Variants in TTC17 observed in about 807,000 individuals in gnomAD.
TTC17 encodes the protein tetratricopeptide repeat protein 17.
TTC17 carries 58 observed loss-of-function variants against 143.8 expected under a neutral mutation model. That is an observed-to-expected ratio of 0.40 (90% CI 0.33 to 0.50). The LOEUF is 0.50. Among genes scored for constraint, TTC17 ranks in the 20% least tolerant of loss-of-function variants. TTC17 has a pLI of 0.49. For synonymous variants in TTC17, 501 were observed against 497.8 expected, an observed-to-expected ratio of 1.01 and a Z score of -0.09; for missense variants, 1,273 against 1,392.5, an observed-to-expected ratio of 0.91 and a Z score of 1.37.
Position 43,359,091 on chromosome 11 carries a change from A to T in TTC17, c.137A>T (p.Glu46Val). 2.5e-6 allele frequency: 4 copies of T among 1,588,092 alleles called. No homozygotes were observed. The highest frequency in any genetic ancestry group is 1.1e-5 in the South Asian group (1 of 87,832). Residue 46 changes from glutamate (E) to valine (V), a missense_variant, in exon 1 of 24, where the codon GAG (glutamate) becomes GTG (valine). Glu to Val is a moderately radical substitution (Grantham distance 121). Transcript: ENST00000039989. ...AFATTHWVVT[E>V]DGKIQQQVDS... is the part of the protein sequence containing the mutation. ...GCCACCACGCACTGGGTCGTCACGG[A>T]GGACGGGAAAATCCAGCAGCAGGTA...
intron 16 of TTC17, among the ~76,000 whole-genome samples, chr11:43,431,767 C>T (rs1240597959): frequency 1.3e-5 from 2 of 152,232 alleles, no homozygotes; most frequent in Non-Finnish European, 2.9e-5. Context: ...GTAAGAGGAT[C>T]ACTTGAGCCC....
chr11:43,473,643 G>A (rs1336606255), intron 21 of TTC17, among the ~76,000 whole-genome samples: 1 of 152,144 alleles, frequency 6.6e-6, no homozygotes, highest in Non-Finnish European at 1.5e-5. Context: ...GGGAAGCCAA[G>A]GCAGGTGGAT....
chr11:43,462,030 C>T (rs184223601), intron 21 of TTC17, among the ~76,000 whole-genome samples: 17 of 147,182 alleles, frequency 1.2e-4, no homozygotes, highest in African/African-American at 4.0e-4. Context: ...TAGACCCAAG[C>T]ACATCAGTAG....
chr11:43,427,419 C>T (rs1460835777), intron 16 of TTC17, among the ~76,000 whole-genome samples: 1 of 152,150 alleles, frequency 6.6e-6, no homozygotes. Flanking sequence ...GTAACATCTG[C>T]CTTTTGCAGA....
At chr11:43,380,341 C>T (rs560963029) in intron 2 of TTC17, among the ~76,000 whole-genome samples, 9 of 152,272 alleles carry the variant, frequency 5.9e-5, no homozygotes, top group African/African-American at 1.9e-4. Flanking sequence ...CTGCAACCTC[C>T]ACCTCCCCGG....
chr11:43,456,246 G>A (rs897192199), intron 21 of TTC17, among the ~76,000 whole-genome samples: 4 of 151,476 alleles, frequency 2.6e-5, no homozygotes, highest in South Asian at 4.2e-4. Context: ...CTTACTAGGC[G>A]CCTTCTAAAT....
In TTC17 at chr11:43,403,995, T is replaced by C; in HGVS notation, c.1333-3T>C. 1 of 1,582,688 alleles carries C rather than the reference T, an allele frequency of 6.3e-7. No homozygotes were observed. On this transcript the variant is annotated splice_region_variant and splice_polypyrimidine_tract_variant and intron_variant, in intron 10 of 23. Transcript: ENST00000039989. ...TGATTGAACTTTTTGTTTCATTTTC[T>C]AGTTTGGTGAGGATTCATCAACCTC...
chr11:43,479,526 A>C (rs1431596786), intron 21 of TTC17, among the ~76,000 whole-genome samples: 3 of 152,224 alleles, frequency 2.0e-5, no homozygotes, highest in African/African-American at 7.2e-5. Flanking sequence ...CAACAGACTT[A>C]GGAAGTACCA....
At chr11:43,403,467 G>A (rs1486116181) in intron 10 of TTC17, among the ~76,000 whole-genome samples, 8 of 152,118 alleles carry the variant, frequency 5.3e-5, no homozygotes, top group Admixed American at 5.2e-4. Context: ...TGCTTTGAAG[G>A]AAGGCTGTAT....
chr11:43,393,093 G>GTTT (rs1352791530), intron 5 of TTC17, among the ~76,000 whole-genome samples: 3 of 152,174 alleles, frequency 2.0e-5, no homozygotes, highest in Non-Finnish European at 4.4e-5. Flanking sequence ...AATGTATGGA[G>GTTT]TTTTTTCTCA....
intron 5 of TTC17, among the ~76,000 whole-genome samples, chr11:43,395,943 G>A (rs986817234): frequency 2.6e-5 from 4 of 152,008 alleles, no homozygotes; most frequent in Admixed American, 1.3e-4. Context: ...GTAGAATTGT[G>A]GGAGTCAAAG....
chr11:43,485,301 G>T (rs1948360860), intron 21 of TTC17, among the ~76,000 whole-genome samples: 1 of 152,044 alleles, frequency 6.6e-6, no homozygotes, highest in African/African-American at 2.4e-5. Flanking sequence ...GAACTGTACT[G>T]GGGCAATTGC....
chr11:43,359,158 C>G lies in TTC17; in HGVS notation c.159+45C>G, dbSNP rs542606963. ...TCTTCTCCCGTGCCCGCCCTCGCCC[C>G]GGGGGGATTACCCTGCTTGGCCCCT... is the stretch of plus-strand genomic sequence containing the variant. On this transcript the variant is annotated intron_variant, in intron 1 of 23. Transcript: ENST00000039989. The G allele has an allele frequency of 4.5e-5, 68 of 1,523,366 alleles. 1 individual carries two copies. In the Admixed American group the frequency reaches 9.9e-4, roughly 22 times the overall value. 94.4% of individuals were successfully genotyped at this position (1,523,366 alleles called of 1,614,324 possible). A position where few individuals can be genotyped will look rare whatever the true frequency, so the allele number is the denominator to read the frequency against.
chr11:43,481,314 G>T (rs949608498), intron 21 of TTC17, among the ~76,000 whole-genome samples: 21 of 152,092 alleles, frequency 1.4e-4, no homozygotes, highest in Non-Finnish European at 2.2e-4. Context: ...CAGTCAGTTT[G>T]TACCTGTGTT....
Position 43,365,267 on chromosome 11 carries a change from G to GT in TTC17, c.159+6163dup, listed in dbSNP as rs557040013. Among the ~76,000 whole-genome samples the GT allele has an allele frequency of 2.1e-4, 32 of 151,430 alleles. No homozygotes were observed. The South Asian group carries it at 4.0e-3, about 19-fold the overall frequency. ...AAGTGCATACCACCACACCTGGTTA[G>GT]TTTTTTTTTATTTTTTGTAGAGATA... On this transcript the variant is annotated intron_variant, in intron 1 of 23. Coordinates refer to ENST00000039989, the MANE Select transcript of TTC17 (RefSeq NM_018259.6).
intron 21 of TTC17, among the ~76,000 whole-genome samples, chr11:43,451,833 T>C (rs1947663149): frequency 6.6e-6 from 1 of 152,316 alleles, no homozygotes; most frequent in East Asian, 1.9e-4. Flanking sequence ...TATTACTGTA[T>C]AATATTAAAG....
chr11:43,362,238 C>G (rs1490605354), intron 1 of TTC17, among the ~76,000 whole-genome samples: 1 of 151,750 alleles, frequency 6.6e-6, no homozygotes, highest in Non-Finnish European at 1.5e-5. Context: ...ACAGGCTGGT[C>G]TCAAACTCCA....
Position 43,367,441 on chromosome 11 carries a change from CAG to C in TTC17, c.159+8331_159+8332del, listed in dbSNP as rs1333583100. ...AGCAGAAGAAAATAATCAGAAAAAA[CAG>C]AGGCGTGGTAGATGAGAAATGGCAG... On this transcript the variant is annotated intron_variant, in intron 1 of 23. Coordinates refer to ENST00000039989, the MANE Select transcript of TTC17 (RefSeq NM_018259.6). Among the ~76,000 whole-genome samples, 11 of 152,218 alleles carry C rather than the reference CAG, an allele frequency of 7.2e-5. No individual in the cohort carries two copies. In the East Asian group the frequency reaches 1.7e-3, roughly 24 times the overall value.
intron 16 of TTC17, chr11:43,436,377 ACT>A (rs1947293044): frequency 8.1e-7 from 1 of 1,235,694 alleles, no homozygotes; most frequent in Non-Finnish European, 1.0e-6. Context: ...GGAAAAATCA[ACT>A]CTCAAGCTTT....
Sources: gnomAD v4.1 joint callset for allele counts (sites outside exome capture counted in the v4.1 genomes callset) on GRCh38, gnomAD v4.1.1 for gene constraint, MANE v1.5 for transcripts, NCBI Gene and HGNC (gene_info 2026-07-23, HGNC 2026-07-21) for gene names.